The following ACER3 variants were observed in gnomAD, a reference collection of about 807,000 sequenced individuals.
The protein encoded by ACER3 is alkCDase 3.
Under a neutral mutation model 48.9 loss-of-function variants are expected in ACER3, and 16 were observed. The ratio of observed to expected loss-of-function variants is 0.33; its 90% CI spans 0.22 to 0.50. The LOEUF (loss-of-function observed/expected upper bound fraction) is 0.50. Ranked by LOEUF, ACER3 falls within the 20% of genes least tolerant of loss-of-function variation. ACER3 has a pLI of 0.98. For missense variants in ACER3, 227 were observed against 326.0 expected (o/e 0.70, Z 2.34); for synonymous variants, 109 against 107.8 (o/e 1.01, Z -0.07).
chr11:76,904,194 C>A (rs1385971096), intron 1 of ACER3, among the ~76,000 whole-genome samples: 1 of 152,010 alleles, frequency 6.6e-6, no homozygotes, highest in Non-Finnish European at 1.5e-5. Context: ...ACCATGTTGG[C>A]CAGGCTAGTC....
chr11:76,950,409 ATAATT>A (rs1565195046), intron 2 of ACER3, among the ~76,000 whole-genome samples: 2 of 28,876 alleles, frequency 6.9e-5, no homozygotes, highest in Admixed American at 4.0e-4. Flanking sequence ...ATATATATAT[ATAATT>A]TACACATGTA....
At position 76,926,540 on chromosome 11, in the gene ACER3, A is replaced by T; in HGVS notation, c.104-17A>T. ...TATTGATTAACCTAAATGTCTTCTT[A>T]TATTTTTCTCTTAAAGGGAATACAG... is the stretch of plus-strand genomic sequence containing the variant. On this transcript the variant is annotated splice_polypyrimidine_tract_variant and intron_variant, in intron 1 of 10. Coordinates refer to ENST00000532485, the MANE Select transcript of ACER3 (RefSeq NM_018367.7). The T allele has an allele frequency of 1.3e-6, 2 of 1,496,788 alleles. No individual in the cohort carries two copies. Among genetic ancestry groups the T allele is most frequent in the Non-Finnish European group, 1.9e-6 (2 of 1,077,858 alleles). 92.7% of individuals were successfully genotyped at this position (1,496,788 alleles called of 1,614,324 possible). A position where few individuals can be genotyped will look rare whatever the true frequency, so the allele number is the denominator to read the frequency against.
intron 1 of ACER3, among the ~76,000 whole-genome samples, chr11:76,904,561 T>C (rs947219509): frequency 2.0e-5 from 3 of 152,188 alleles, no homozygotes; most frequent in African/African-American, 4.8e-5. Flanking sequence ...TGGACACATA[T>C]TCCCAGGACC....
intron 8 of ACER3, among the ~76,000 whole-genome samples, chr11:77,016,426 T>C (rs1949370842): frequency 6.6e-6 from 1 of 152,176 alleles, no homozygotes; most frequent in Admixed American, 6.5e-5. Flanking sequence ...ATCTGGGATT[T>C]GCTTCAAAAA....
At chr11:76,996,733 T>TCC (rs1565219982) in intron 6 of ACER3, among the ~76,000 whole-genome samples, 18 of 141,790 alleles carry the variant, frequency 1.3e-4, no homozygotes, top group African/African-American at 4.8e-4. Context: ...TTTTTTTTTT[T>TCC]TTTTTTTTCT....
intron 1 of ACER3, among the ~76,000 whole-genome samples, chr11:76,884,798 C>T (rs1223198248): frequency 3.9e-5 from 6 of 152,014 alleles, no homozygotes; most frequent in Non-Finnish European, 7.4e-5. Context: ...GGGTCTCACT[C>T]TGTTGTCCAG....
rs186906031 is a variant in ACER3 at position 76,939,766 on chromosome 11, C to T, written c.214+13099C>T. On this transcript the variant is annotated intron_variant, in intron 2 of 10. Coordinates refer to ENST00000532485, the MANE Select transcript of ACER3 (RefSeq NM_018367.7). ...GAGGAGCAATTTATAAAACAACTGTCCTGTGTGCTTCTAAAATGTTAGTGT... is the reference window on the plus strand; with the variant it reads ...GAGGAGCAATTTATAAAACAACTGTTCTGTGTGCTTCTAAAATGTTAGTGT... 6.7e-4 allele frequency among the ~76,000 whole-genome samples: 102 copies of T among 152,270 alleles called. 1 individual carries two copies. The East Asian group carries it at 0.017, about 25-fold the overall frequency.
At chr11:77,007,337 A>T (rs1949173437) in intron 7 of ACER3, among the ~76,000 whole-genome samples, 1 of 151,962 alleles carries the variant, frequency 6.6e-6, no homozygotes, top group African/African-American at 2.4e-5. Flanking sequence ...AGACACTTAG[A>T]TCTTTTGTTA....
At chr11:76,867,648 C>T (rs535922246) in intron 1 of ACER3, among the ~76,000 whole-genome samples, 1 of 151,936 alleles carries the variant, frequency 6.6e-6, no homozygotes, top group East Asian at 1.9e-4. Context: ...GTTTATTTAT[C>T]AGAAAGCTAA....
rs571780286 is a variant in ACER3, at chr11:76,896,791, A to AT, written c.104-29758dup. Among the ~76,000 whole-genome samples, 470 of 151,864 alleles carry AT rather than the reference A, an allele frequency of 3.1e-3. 5 individuals are homozygous for AT. Among genetic ancestry groups the AT allele is most frequent in the African/African-American group, 0.011 (446 of 41,382 alleles). On this transcript the variant is annotated intron_variant, in intron 1 of 10. Transcript: ENST00000532485. Reference sequence around the variant, plus strand: ...GAATCCAGAAGAGCTTTATATGTGGATTTTTTTTCTATTGAAGTCAGCTGG... The same window carrying AT: ...GAATCCAGAAGAGCTTTATATGTGGATTTTTTTTTCTATTGAAGTCAGCTGG...
chr11:76,953,609 CA>C (rs1430112205), intron 2 of ACER3, among the ~76,000 whole-genome samples: 1 of 151,928 alleles, frequency 6.6e-6, no homozygotes, highest in South Asian at 2.1e-4. Context: ...AAAAACAAAA[CA>C]AAACAAGACA....
At chr11:76,868,601 G>C (rs982359624) in intron 1 of ACER3, among the ~76,000 whole-genome samples, 4 of 152,136 alleles carry the variant, frequency 2.6e-5, no homozygotes, top group Non-Finnish European at 5.9e-5. Flanking sequence ...TAATCTGACT[G>C]TGGGTCACAA....
chr11:76,944,973 T>C (rs1341540201), intron 2 of ACER3, among the ~76,000 whole-genome samples: 1 of 151,980 alleles, frequency 6.6e-6, no homozygotes, highest in African/African-American at 2.4e-5. Context: ...TGAGATTCTT[T>C]CTTCTGCTTG....
intron 7 of ACER3, among the ~76,000 whole-genome samples, chr11:77,007,566 A>G (rs1260322660): frequency 3.3e-5 from 5 of 152,220 alleles, no homozygotes; most frequent in South Asian, 2.1e-4. Context: ...CTGACACCCA[A>G]GTGGTGTGGC....
At chr11:76,887,355 A>G (rs1945697918) in intron 1 of ACER3, among the ~76,000 whole-genome samples, 1 of 152,188 alleles carries the variant, frequency 6.6e-6, no homozygotes, top group Admixed American at 6.5e-5. Context: ...GTTTTAAGGG[A>G]GGTAAAGTTA....
chr11:76,890,164 G>A (rs1945770089), intron 1 of ACER3, among the ~76,000 whole-genome samples: 2 of 152,056 alleles, frequency 1.3e-5, no homozygotes, highest in African/African-American at 4.8e-5. Flanking sequence ...GTTCATTGCT[G>A]TATCCCAGGG....
At chr11:76,940,394 T>G (rs983665676) in intron 2 of ACER3, among the ~76,000 whole-genome samples, 3 of 152,232 alleles carry the variant, frequency 2.0e-5, no homozygotes, top group African/African-American at 7.2e-5. Context: ...AACTTTTTTT[T>G]CTAAATGGGA....
chr11:76,921,418 C>T (rs954280454), intron 1 of ACER3, among the ~76,000 whole-genome samples: 7 of 152,112 alleles, frequency 4.6e-5, no homozygotes, highest in African/African-American at 1.4e-4. Flanking sequence ...ACCTGGGATC[C>T]AGATTAATTT....
intron 1 of ACER3, among the ~76,000 whole-genome samples, chr11:76,870,798 A>G (rs929999781): frequency 6.6e-6 from 1 of 152,246 alleles, no homozygotes; most frequent in African/African-American, 2.4e-5. Flanking sequence ...ATTATATGAG[A>G]TACAGCCACT....
Sources: gnomAD v4.1 joint callset for allele counts (sites outside exome capture counted in the v4.1 genomes callset) on GRCh38, gnomAD v4.1.1 for gene constraint, MANE v1.5 for transcripts, NCBI Gene and HGNC (gene_info 2026-07-23, HGNC 2026-07-21) for gene names.